Variants in SH2D7 observed in about 807,000 individuals in gnomAD.
SH2D7 encodes SH2 domain-containing protein 7.
In SH2D7, 32 loss-of-function variants were observed where a neutral mutation model predicts 40.8. The ratio of observed to expected loss-of-function variants is 0.78; its 90% CI spans 0.59 to 1.05. The LOEUF (loss-of-function observed/expected upper bound fraction) is 1.05. Among genes scored for constraint, SH2D7 ranks in the 50% least tolerant of loss-of-function variants. SH2D7 has a pLI of 0.00. For missense variants in SH2D7, 559 were observed against 566.6 expected (o/e 0.99, Z 0.14); for synonymous variants, 195 against 221.5 (o/e 0.88, Z 1.06).
chr15:78,090,529 T>C (rs919521152), upstream of SH2D7, among the ~76,000 whole-genome samples: 1 of 152,164 alleles, frequency 6.6e-6, no homozygotes, highest in Admixed American at 6.5e-5. Flanking sequence ...CATTTTTATC[T>C]TGATTTCAGA....
Position 78,098,032 on chromosome 15 carries a change from CA to C in SH2D7, c.371del (p.His124ProfsTer15), listed in dbSNP as rs781028372. The C allele has an allele frequency of 6.2e-7, 1 of 1,613,978 alleles. No homozygotes were observed. Among genetic ancestry groups the C allele is most frequent in the African/African-American group, 1.3e-5 (1 of 75,050 alleles). On this transcript the variant is annotated frameshift_variant, in exon 3 of 6. Coordinates refer to ENST00000328828, the MANE Select transcript of SH2D7 (RefSeq NM_001101404.2). LOFTEE classifies it high-confidence loss of function. ...CCACAGCACCCTGGCTGAGCTTGTG[CA>C]CCATTACCAGGAGGCACAGCTCGAG... ...QSHSTLAELV[H>X]HYQEAQLEPF...
chr15:78,101,244 G>C lies in SH2D7; in HGVS notation c.991G>C (p.Glu331Gln), dbSNP rs1360087481. 2 of 1,604,532 alleles carry C rather than the reference G, an allele frequency of 1.2e-6. No homozygotes were observed. The highest frequency in any genetic ancestry group is 1.3e-5 in the African/African-American group (1 of 74,272). Reference protein sequence around the residue: ...MGSLGATWRQEFPKLSQEAQP... With the variant: ...MGSLGATWRQQFPKLSQEAQP... ...ATCCCTGGGGGCTACCTGGAGGCAGGAGTTTCCAAAGCTGAGCCAAGAGGC... is the reference window on the plus strand; with the variant it reads ...ATCCCTGGGGGCTACCTGGAGGCAGCAGTTTCCAAAGCTGAGCCAAGAGGC... The change falls in exon 5 of 6, where the codon GAG becomes CAG. Residue 331 changes from glutamate to glutamine, a missense_variant. Transcript: ENST00000328828.
Position 78,101,012 on chromosome 15 carries a change from G to T in SH2D7, c.759G>T (p.Arg253=). 1 of 1,613,788 alleles carries T rather than the reference G, an allele frequency of 6.2e-7. No individual in the cohort carries two copies. The highest frequency in any genetic ancestry group is 1.7e-4 in the Middle Eastern group (1 of 6,060). ...ACCTGAGGAGGATGAACCAGGCACG[G>T]CTAGGCTTGGGCACAGAGGGGTCCG... ...YADLRRMNQA[R]LGLGTEGSGR... is the part of the protein sequence containing the mutation. The change falls in exon 5 of 6, where the codon CGG becomes CGT. Residue 253 remains arginine (R), a synonymous_variant. Coordinates refer to ENST00000328828, the MANE Select transcript of SH2D7 (RefSeq NM_001101404.2).
Position 78,100,981 on chromosome 15 carries a change from A to G in SH2D7, c.728A>G (p.Tyr243Cys), listed in dbSNP as rs1033712537. ...ESFGGPSDIIYADLRRMNQAR... is the reference protein window; with the variant it reads ...ESFGGPSDIICADLRRMNQAR... Reference sequence around the variant, plus strand: ...TTTGGAGGCCCCAGTGACATCATCTATGCAGACCTGAGGAGGATGAACCAG... The same window carrying G: ...TTTGGAGGCCCCAGTGACATCATCTGTGCAGACCTGAGGAGGATGAACCAG... Residue 243 changes from tyrosine to cysteine, a missense_variant, in exon 5 of 6, where the codon TAT becomes TGT. By Grantham distance (194) the Tyr-to-Cys change is radical. Transcript: ENST00000328828. 1 of 1,613,976 alleles carries G rather than the reference A, an allele frequency of 6.2e-7. No homozygotes were observed. The highest frequency in any genetic ancestry group is 1.7e-5 in the Admixed American group (1 of 60,024).
intron 5 of SH2D7, among the ~76,000 whole-genome samples, chr15:78,102,637 G>C (rs62009270): frequency 0.36 from 54,901 of 151,820 alleles, 10,609 homozygotes; most frequent in African/African-American, 0.52. Flanking sequence ...AGGGCTTTCT[G>C]TGCAGCAGAC....
chr15:78,102,280 CA>C (rs1161461480), intron 5 of SH2D7, among the ~76,000 whole-genome samples: 2 of 152,120 alleles, frequency 1.3e-5, no homozygotes, highest in African/African-American at 4.8e-5. Context: ...CAAAACAAAA[CA>C]AAAACCATTT....
In SH2D7 at chr15:78,098,101, G is replaced by A. The variant is rs774460805; in HGVS notation, c.432+7G>A. The A allele has an allele frequency of 7.5e-6, 12 of 1,601,276 alleles. No individual in the cohort carries two copies. Among genetic ancestry groups the A allele is most frequent in the African/African-American group, 4.0e-5 (3 of 74,618 alleles). ...GACTGCTGCCTGCCCCCGGGTAGGCGCCCCACTTCCCCAGGGTGAGGGTGG... is the reference window on the plus strand; with the variant it reads ...GACTGCTGCCTGCCCCCGGGTAGGCACCCCACTTCCCCAGGGTGAGGGTGG... On this transcript the variant is annotated splice_region_variant and intron_variant, in intron 3 of 5. Transcript: ENST00000328828.
chr15:78,091,741 C>T (rs149156724), upstream of SH2D7, among the ~76,000 whole-genome samples: 8 of 152,200 alleles, frequency 5.3e-5, no homozygotes, highest in Non-Finnish European at 1.0e-4. Context: ...TCTGTTAAAA[C>T]GACATGAGCT....
At position 78,094,174 on chromosome 15, in the gene SH2D7, G is replaced by A. The variant is rs753416997; in HGVS notation, c.239G>A (p.Arg80Gln). 21 of 1,610,006 alleles carry A rather than the reference G, an allele frequency of 1.3e-5. No homozygotes were observed. Among genetic ancestry groups the A allele is most frequent in the South Asian group, 1.0e-4 (9 of 89,910 alleles). The change falls in exon 2 of 6, where the codon CGA becomes CAA. Residue 80 changes from arginine to glutamine, a missense_variant. Transcript: ENST00000328828. Reference protein sequence around the residue: ...LGSFLIRLSDRATGYILSYRG... With the variant: ...LGSFLIRLSDQATGYILSYRG... ...TCCTTCCTTATCCGCCTCAGTGACCGAGCCACTGGCTACATCTTGTCCTAC... is the reference window on the plus strand; with the variant it reads ...TCCTTCCTTATCCGCCTCAGTGACCAAGCCACTGGCTACATCTTGTCCTAC...
Position 78,103,619 on chromosome 15 carries a change from G to C in SH2D7, c.*104G>C, listed in dbSNP as rs2074031489. 7.3e-7 allele frequency: 1 copy of C among 1,366,978 alleles called. No homozygotes were observed. Among genetic ancestry groups the C allele is most frequent in the Non-Finnish European group, 1.0e-6 (1 of 992,514 alleles). The allele number at this position is 1,366,978 out of a possible 1,614,324, so 84.7% of individuals were successfully genotyped here. Reference sequence around the variant, plus strand: ...CACTTGAAGGCACCCTTTGGATCTTGAGACTCATCCAGCCTGCTACAGAAC... The same window carrying C: ...CACTTGAAGGCACCCTTTGGATCTTCAGACTCATCCAGCCTGCTACAGAAC... On this transcript the variant is annotated 3_prime_UTR_variant, in exon 6 of 6. Transcript: ENST00000328828.
At chr15:78,094,597 G>A (rs1386443809) in intron 2 of SH2D7, among the ~76,000 whole-genome samples, 1 of 152,168 alleles carries the variant, frequency 6.6e-6, no homozygotes, top group East Asian at 1.9e-4. Context: ...CAGGGTGCTG[G>A]GGGAGCTGCA....
chr15:78,098,479 G>A lies in SH2D7; in HGVS notation c.528G>A (p.Val176=), dbSNP rs1307204186. 6.2e-7 allele frequency: 1 copy of A among 1,613,960 alleles called. No individual in the cohort carries two copies. The highest frequency in any genetic ancestry group is 2.2e-5 in the East Asian group (1 of 44,882). ...CACCTGCCACGGCATTCCTCACAGT[G>A]GTCCCCGACAAGGCCGCCAGCCCCC... ...ENPPATAFLT[V]VPDKAASPRS... The change falls in exon 4 of 6, where the codon GTG becomes GTA. Residue 176 remains valine (V), a synonymous_variant. Coordinates refer to ENST00000328828, the MANE Select transcript of SH2D7 (RefSeq NM_001101404.2).
intron 2 of SH2D7, among the ~76,000 whole-genome samples, chr15:78,095,436 G>T (rs551637035): frequency 6.6e-6 from 1 of 152,058 alleles, no homozygotes; most frequent in Admixed American, 6.5e-5. Context: ...AAGTGGGACC[G>T]CCCAAAGGTA....
intron 5 of SH2D7, among the ~76,000 whole-genome samples, chr15:78,102,152 C>T (rs1208228223): frequency 6.6e-6 from 1 of 152,026 alleles, no homozygotes; most frequent in Non-Finnish European, 1.5e-5. Flanking sequence ...GGGGCAGAAG[C>T]AGGAGGATGG....
intron 2 of SH2D7, among the ~76,000 whole-genome samples, chr15:78,097,670 C>G (rs1049611278): frequency 6.6e-6 from 1 of 152,126 alleles, no homozygotes; most frequent in Non-Finnish European, 1.5e-5. Context: ...CAGTCACAGC[C>G]GTGCTCTCCC....
intron 2 of SH2D7, among the ~76,000 whole-genome samples, chr15:78,095,783 T>C (rs1167533821): frequency 1.3e-5 from 2 of 152,176 alleles, no homozygotes; most frequent in Non-Finnish European, 1.5e-5. Context: ...AAAGCGCTAA[T>C]CTTAAAAGAG....
At position 78,100,938 on chromosome 15, in the gene SH2D7, T is replaced by C; in HGVS notation, c.685T>C (p.Ser229Pro). Residue 229 changes from serine (S) to proline (P), a missense_variant, in exon 5 of 6, where the codon TCC becomes CCC. Transcript: ENST00000328828. ...GTCTCCACTCCCTGAGAAGAGTTCCTCCCTCCTGGAAGAGTCTTTTGGAGG... is the reference window on the plus strand; with the variant it reads ...GTCTCCACTCCCTGAGAAGAGTTCCCCCCTCCTGGAAGAGTCTTTTGGAGG... ...RVSPLPEKSS[S>P]LLEESFGGPS... 6.2e-7 allele frequency: 1 copy of C among 1,613,796 alleles called. No homozygotes were observed. Among genetic ancestry groups the C allele is most frequent in the Non-Finnish European group, 8.5e-7 (1 of 1,179,868 alleles).
Position 78,101,396 on chromosome 15 carries a change from G to C in SH2D7, c.1143G>C (p.Trp381Cys). Residue 381 changes from tryptophan to cysteine, a missense_variant, in exon 5 of 6, where the codon TGG becomes TGC. Trp to Cys is a radical substitution (Grantham distance 215). Transcript: ENST00000328828. ...GSTYEQIPACWGGPARAPHPG... is the reference protein window; with the variant it reads ...GSTYEQIPACCGGPARAPHPG... ...CCTATGAGCAGATCCCAGCTTGCTGGGGTGGCCCAGCCAGGGCCCCACATC... is the reference window on the plus strand; with the variant it reads ...CCTATGAGCAGATCCCAGCTTGCTGCGGTGGCCCAGCCAGGGCCCCACATC... 2.5e-6 allele frequency: 4 copies of C among 1,613,476 alleles called. No individual in the cohort carries two copies. The South Asian group carries it at 3.3e-5, about 13-fold the overall frequency.
rs2073946997 is a variant in SH2D7 at position 78,092,669 on chromosome 15, C to G, written c.85C>G (p.Leu29Val). 1 of 1,581,974 alleles carries G rather than the reference C, an allele frequency of 6.3e-7. No homozygotes were observed. The highest frequency in any genetic ancestry group is 1.8e-5 in the Admixed American group (1 of 54,722). ...DSQALAELQE[L>V]ALKWFMETQA... The stretch of plus-strand genomic sequence containing the variant: ...CCAGGCCCTGGCTGAGCTCCAGGAG[C>G]TTGCCCTGAAGTGGTTCATGGAGAC... Residue 29 changes from leucine to valine, a missense_variant, in exon 1 of 6, where the codon CTT becomes GTT. Coordinates refer to ENST00000328828, the MANE Select transcript of SH2D7 (RefSeq NM_001101404.2).
Sources: allele counts gnomAD v4.1 joint callset (sites outside exome capture counted in the v4.1 genomes callset), GRCh38; gene constraint gnomAD v4.1.1; transcripts MANE v1.5; gene names NCBI Gene and HGNC (gene_info 2026-07-23, HGNC 2026-07-21).